The following LMNTD1 variants were observed in gnomAD, a reference collection of about 807,000 sequenced individuals.
LMNTD1 encodes the protein lamin tail domain containing 1, also known as lamin tail domain-containing protein 1.
In LMNTD1, 35 loss-of-function variants were observed where a neutral mutation model predicts 50.9. That is an observed-to-expected ratio of 0.69 (90% CI 0.53 to 0.91). LMNTD1 has a LOEUF of 0.91. LMNTD1 is among the 40% of genes least tolerant of loss of function. LMNTD1 has a pLI of 0.00. For missense variants in LMNTD1, 470 were observed against 475.5 expected, an observed-to-expected ratio of 0.99 and a Z score of 0.11; for synonymous variants, 153 against 161.9, an observed-to-expected ratio of 0.94 and a Z score of 0.42.
At chr12:25,641,746 C>T (rs879693932) in intron 1 of LMNTD1, among the ~76,000 whole-genome samples, 8 of 151,734 alleles carry the variant, frequency 5.3e-5, no homozygotes, top group South Asian at 2.1e-4. Flanking sequence ...TGAAACTCTG[C>T]AGTTCCACAG....
intron 9 of LMNTD1, among the ~76,000 whole-genome samples, chr12:25,497,197 G>T (rs905247304): frequency 6.6e-6 from 1 of 152,200 alleles, no homozygotes. Flanking sequence ...GGTGGGAGGG[G>T]TTCCCTGGAA....
chr12:25,555,199 G>A (rs953934182), upstream of LMNTD1, among the ~76,000 whole-genome samples: 10 of 152,024 alleles, frequency 6.6e-5, no homozygotes, highest in African/African-American at 2.2e-4. Context: ...TTTAAATTCC[G>A]GAAAGACTCT....
intron 5 of LMNTD1, 60 bp from the exon 6 acceptor site, chr12:25,526,278 A>G (rs1185276889): frequency 1.3e-6 from 2 of 1,511,356 alleles, no homozygotes; most frequent in African/African-American, 1.4e-5. Flanking sequence ...TGTAAATGTC[A>G]TAGGGTTACT....
chr12:25,494,457 T>C (rs1429335524), intron 9 of LMNTD1, among the ~76,000 whole-genome samples: 2 of 152,156 alleles, frequency 1.3e-5, no homozygotes, highest in African/African-American at 2.4e-5. Context: ...GCATTGAATA[T>C]ACTGAAACTA....
intron 1 of LMNTD1, among the ~76,000 whole-genome samples, chr12:25,602,884 A>C (rs1946010714): frequency 6.6e-6 from 1 of 152,058 alleles, no homozygotes; most frequent in Non-Finnish European, 1.5e-5. Flanking sequence ...TATCTAACCT[A>C]TTCTAACAGT....
chr12:25,592,546 A>T (rs1945729976), intron 1 of LMNTD1: 1 of 152,268 alleles, frequency 6.6e-6, no homozygotes, highest in African/African-American at 2.4e-5. Flanking sequence ...TAGAGGAAGC[A>T]GCGGGAAAAG....
Position 25,495,910 on chromosome 12 carries a change from A to G in LMNTD1, c.*22+7828T>C, listed in dbSNP as rs532773667. Among the ~76,000 whole-genome samples the G allele has an allele frequency of 3.6e-4, 55 of 152,306 alleles. 1 individual carries two copies. The highest frequency in any genetic ancestry group is 9.8e-4 in the Admixed American group (15 of 15,302). On this transcript the variant is annotated intron_variant, in intron 9 of 9. Coordinates refer to ENST00000458174, the MANE Select transcript of LMNTD1 (RefSeq NM_001145728.2). ...TCTAAGAGCACACTTCACAAAATAA[A>G]TACTTAAATATACCACATTTTTGGC...
intron 9 of LMNTD1, among the ~76,000 whole-genome samples, chr12:25,484,520 A>G (rs545582647): frequency 6.6e-6 from 1 of 152,028 alleles, no homozygotes; most frequent in East Asian, 1.9e-4. Context: ...TTTTTTTATT[A>G]TACTTTAAGT....
chr12:25,562,649 G>A (rs566522957), intron 1 of LMNTD1, among the ~76,000 whole-genome samples: 90 of 152,190 alleles, frequency 5.9e-4, no homozygotes, highest in African/African-American at 1.8e-3. Flanking sequence ...TCTTTGTGGC[G>A]TTCTCTGTAT....
At chr12:25,628,001 G>A (rs1946629081) in intron 1 of LMNTD1, among the ~76,000 whole-genome samples, 1 of 147,810 alleles carries the variant, frequency 6.8e-6, no homozygotes, top group Non-Finnish European at 1.5e-5. Context: ...CCAGCTACAC[G>A]GGAGGCTGAG....
At chr12:25,612,657 T>C (rs535189838) in intron 1 of LMNTD1, among the ~76,000 whole-genome samples, 52 of 152,198 alleles carry the variant, frequency 3.4e-4, no homozygotes, top group Admixed American at 7.9e-4. Flanking sequence ...GATGAACTGA[T>C]CTAAATGCAG....
chr12:25,575,196 T>C (rs1441089947), intron 1 of LMNTD1, among the ~76,000 whole-genome samples: 1 of 152,116 alleles, frequency 6.6e-6, no homozygotes, highest in East Asian at 1.9e-4. Context: ...GGCATGAAGC[T>C]GGGACACCCC....
intron 9 of LMNTD1, among the ~76,000 whole-genome samples, chr12:25,488,062 A>C (rs376745711): frequency 2.7e-5 from 4 of 148,044 alleles, no homozygotes; most frequent in East Asian, 2.0e-4. Context: ...GGCTGCCCTT[A>C]ACATTTTTTC....
At chr12:25,526,628 T>C (rs1941734082) in intron 5 of LMNTD1, 141 bp downstream of exon 5, 2 of 507,658 alleles carry the variant, frequency 3.9e-6, no homozygotes, top group Non-Finnish European at 6.7e-6. Context: ...AGTGCGGTAA[T>C]TAACCACCAA....
chr12:25,562,274 C>T (rs1253057986), intron 1 of LMNTD1, among the ~76,000 whole-genome samples: 8 of 152,094 alleles, frequency 5.3e-5, no homozygotes, highest in Non-Finnish European at 1.0e-4. Flanking sequence ...TGGCTTGTAA[C>T]GATTGTTCCT....
intron 9 of LMNTD1, among the ~76,000 whole-genome samples, chr12:25,477,352 A>G (rs1418619751): frequency 2.0e-5 from 3 of 152,046 alleles, no homozygotes; most frequent in African/African-American, 7.3e-5. Flanking sequence ...TGAAGAAATA[A>G]GAGGAAAAGA....
intron 9 of LMNTD1, among the ~76,000 whole-genome samples, chr12:25,484,594 G>A (rs1037144433): frequency 3.3e-5 from 5 of 150,200 alleles, no homozygotes; most frequent in Admixed American, 6.6e-5. Flanking sequence ...GTGCTGGTGC[G>A]CTGCACCCAC....
chr12:25,525,981 T>C, intron 6 of LMNTD1, 118 bp downstream of exon 6: 1 of 632,344 alleles, frequency 1.6e-6, no homozygotes, highest in African/African-American at 1.9e-5. Context: ...AAGTCAATTT[T>C]ACTGACATTT....
intron 8 of LMNTD1, among the ~76,000 whole-genome samples, chr12:25,505,642 C>CTAATT (rs142632463): frequency 0.19 from 29,532 of 151,718 alleles, 3,093 homozygotes; most frequent in African/African-American, 0.26. Context: ...ATAAAAGTTT[C>CTAATT]TTTTGGAAAA....
Sources: gnomAD v4.1 joint callset for allele counts (sites outside exome capture counted in the v4.1 genomes callset) on GRCh38, gnomAD v4.1.1 for gene constraint, MANE v1.5 for transcripts, NCBI Gene and HGNC (gene_info 2026-07-23, HGNC 2026-07-21) for gene names.